Variants in BTN2A1 observed in about 807,000 individuals in gnomAD.
The protein encoded by BTN2A1 is butyrophilin subfamily 2 member A1.
A neutral mutation model predicts 34.5 loss-of-function variants in BTN2A1; 41 were observed. The ratio of observed to expected loss-of-function variants is 1.19; its 90% CI spans 0.93 to 1.54. The LOEUF (loss-of-function observed/expected upper bound fraction) is 1.54. Among genes scored for constraint, BTN2A1 ranks in the 40% most tolerant of loss-of-function variants. BTN2A1 has a pLI of 0.00. For missense variants in BTN2A1, 642 were observed against 662.0 expected, an observed-to-expected ratio of 0.97 and a Z score of 0.33; for synonymous variants, 267 against 258.6, an observed-to-expected ratio of 1.03 and a Z score of -0.31.
chr6:26,467,405 G>A (rs956120113), intron 7 of BTN2A1, among the ~76,000 whole-genome samples: 20 of 152,150 alleles, frequency 1.3e-4, no homozygotes, highest in Admixed American at 2.0e-4. Context: ...TCTGCCTCCC[G>A]GGTTCAAGCA....
At chr6:26,474,757 C>CTT (rs11445433) in intron 7 of BTN2A1, among the ~76,000 whole-genome samples, 18,436 of 142,336 alleles carry the variant, frequency 0.13, 2,847 homozygotes, top group African/African-American at 0.36. Flanking sequence ...GCAAAGACTC[C>CTT]TTTTTTTTTT....
chr6:26,465,873 G>T, intron 5 of BTN2A1, 80 bp from the exon 6 acceptor site: 2 of 1,604,466 alleles, frequency 1.2e-6, no homozygotes, highest in Non-Finnish European at 1.7e-6. Flanking sequence ...TAGAAAGGAC[G>T]GTTCCTGCAT....
In BTN2A1 at chr6:26,459,511, C is replaced by T. The variant is rs1381810349; in HGVS notation, c.113C>T (p.Pro38Leu). The change falls in exon 3 of 8, where the codon CCC (proline) becomes CTC (leucine). Residue 38 changes from proline to leucine, a missense_variant. Coordinates refer to ENST00000312541, the MANE Select transcript of BTN2A1 (RefSeq NM_007049.5). ...AQFIVVGPTD[P>L]ILATVGENTT... is the part of the protein sequence containing the mutation. ...TTTATTGTCGTGGGGCCCACTGATC[C>T]CATCTTGGCCACGGTTGGAGAAAAC... The T allele has an allele frequency of 1.2e-6, 2 of 1,613,912 alleles. No homozygotes were observed. Among genetic ancestry groups the T allele is most frequent in the East Asian group, 4.5e-5 (2 of 44,882 alleles).
In BTN2A1 at chr6:26,465,167, T is replaced by C. The variant is rs1763274590; in HGVS notation, c.713-18T>C. 6.2e-7 allele frequency: 1 copy of C among 1,607,314 alleles called. No individual in the cohort carries two copies. Among genetic ancestry groups the C allele is most frequent in the African/African-American group, 1.3e-5 (1 of 74,692 alleles). ...GTTCTGTTTCAAACTAAGTGGATATTTCTGGCTGCCTTTTCAGAATCCTTT... is the reference window on the plus strand; with the variant it reads ...GTTCTGTTTCAAACTAAGTGGATATCTCTGGCTGCCTTTTCAGAATCCTTT... On this transcript the variant is annotated intron_variant, in intron 4 of 7. Transcript: ENST00000312541.
chr6:26,468,047 G>A lies in BTN2A1; in HGVS notation c.1082G>A (p.Ser361Asn). The stretch of plus-strand genomic sequence containing the variant: ...TGCCCCTTCAGGCACCTAGGGGAGA[G>A]CGTGCCTGACAACCCAGAGAGATTC... ...RRCPFRHLGE[S>N]VPDNPERFDS... Residue 361 changes from serine (S) to asparagine (N), a missense_variant, in exon 8 of 8, where the codon AGC (serine) becomes AAC (asparagine). Physicochemically the swap from Ser to Asn is conservative, Grantham distance 46. Coordinates refer to ENST00000312541, the MANE Select transcript of BTN2A1 (RefSeq NM_007049.5). The A allele has an allele frequency of 6.2e-7, 1 of 1,614,230 alleles. No individual in the cohort carries two copies. Among genetic ancestry groups the A allele is most frequent in the Non-Finnish European group, 8.5e-7 (1 of 1,180,040 alleles).
rs944214165 is a variant in BTN2A1 at position 26,459,905 on chromosome 6, A to T, written c.430+77A>T. On this transcript the variant is annotated intron_variant, in intron 3 of 7. Transcript: ENST00000312541. ...AAGTTTCTCTCCTAACCTCAGGCCCATTGCAGACCAGCAAATTTTTGTCTG... is the reference window on the plus strand; with the variant it reads ...AAGTTTCTCTCCTAACCTCAGGCCCTTTGCAGACCAGCAAATTTTTGTCTG... 4.3e-5 allele frequency: 51 copies of T among 1,187,218 alleles called. 1 individual carries two copies. The African/African-American group carries it at 7.8e-4, about 18-fold the overall frequency. The allele number at this position is 1,187,218 out of a possible 1,614,324, so 73.5% of individuals were successfully genotyped here.
downstream of BTN2A1, among the ~76,000 whole-genome samples, chr6:26,471,441 A>T (rs1407743121): frequency 1.3e-5 from 2 of 152,228 alleles, no homozygotes; most frequent in African/African-American, 4.8e-5. Context: ...GAAACTGGAA[A>T]GATGGGCCGG....
At position 26,467,667 on chromosome 6, in the gene BTN2A1, G is replaced by T. The variant is rs1175731201; in HGVS notation, c.983-281G>T. On this transcript the variant is annotated intron_variant, in intron 7 of 7. Transcript: ENST00000312541. ...ACACATCTTAGAATGCTGAGAGAAAGTATAAGAATGATTGATTTTACTTCA... is the reference window on the plus strand; with the variant it reads ...ACACATCTTAGAATGCTGAGAGAAATTATAAGAATGATTGATTTTACTTCA... 3 of 1,522,992 alleles carry T rather than the reference G, an allele frequency of 2.0e-6. No individual in the cohort carries two copies. In the African/African-American group the frequency reaches 4.1e-5, roughly 21 times the overall value. The allele number at this position is 1,522,992 out of a possible 1,614,324, so 94.3% of individuals were successfully genotyped here.
chr6:26,471,672 A>C (rs539452664), downstream of BTN2A1, among the ~76,000 whole-genome samples: 1 of 152,054 alleles, frequency 6.6e-6, no homozygotes, highest in South Asian at 2.1e-4. Context: ...GAAAGGAAGG[A>C]AGGAAGGAAG....
At chr6:26,466,577 A>G (rs1343972730) in intron 7 of BTN2A1, among the ~76,000 whole-genome samples, 1 of 152,076 alleles carries the variant, frequency 6.6e-6, no homozygotes, top group Non-Finnish European at 1.5e-5. Flanking sequence ...CTCTTAAGAG[A>G]ACACTAATAC....
intron 3 of BTN2A1, 41 bp downstream of exon 3, chr6:26,459,869 G>A (rs182165442): frequency 1.3e-6 from 2 of 1,561,194 alleles, no homozygotes; most frequent in Admixed American, 1.8e-5. Context: ...GGCACAGTGT[G>A]ACTTTGGGGA....
chr6:26,469,519 A>T lies in BTN2A1; in HGVS notation c.*970A>T, dbSNP rs187952157. 5.3e-6 allele frequency: 1 copy of T among 188,934 alleles called. No homozygotes were observed. Among genetic ancestry groups the T allele is most frequent in the Admixed American group, 6.5e-5 (1 of 15,338 alleles). The allele number at this position is 188,934 out of a possible 1,614,324, so 11.7% of individuals were successfully genotyped here. On this transcript the variant is annotated 3_prime_UTR_variant, in exon 8 of 8. Coordinates refer to ENST00000312541, the MANE Select transcript of BTN2A1 (RefSeq NM_007049.5). The stretch of plus-strand genomic sequence containing the variant: ...TTTACATTACATACATACATTTACA[A>T]CATTTATTAATTTATATTAAAATAG...
chr6:26,465,533 T>A, intron 5 of BTN2A1, 127 bp downstream of exon 5: 1 of 717,458 alleles, frequency 1.4e-6, no homozygotes. Context: ...CCTGTTTAAT[T>A]AAAAAAAAAA....
rs1646840638 is a variant in BTN2A1, at chr6:26,468,534, C to T, written c.1569C>T (p.Thr523=). The T allele has an allele frequency of 6.2e-7, 1 of 1,614,108 alleles. No homozygotes were observed. The highest frequency in any genetic ancestry group is 8.5e-7 in the Non-Finnish European group (1 of 1,180,022). ...GCCTGACACTTCACAGAGTGGGGAC[C>T]CACCAGAGCCTATAGAATCAATTCC... ...EEGLTLHRVG[T]HQSL Residue 523 remains threonine, a synonymous_variant, in exon 8 of 8, where the codon ACC becomes ACT. Coordinates refer to ENST00000312541, the MANE Select transcript of BTN2A1 (RefSeq NM_007049.5).
chr6:26,463,504 GAA>G lies in BTN2A1; in HGVS notation c.693_694del (p.Ser232CysfsTer54), dbSNP rs1763229710. On this transcript the variant is annotated frameshift_variant, in exon 4 of 8. Coordinates refer to ENST00000312541, the MANE Select transcript of BTN2A1 (RefSeq NM_007049.5). LOFTEE classifies it high-confidence loss of function. ...CAACACCCTGCTCGGCCAGAAGAAA[GAA>G]AGTGTCATTTTTATTCCAGGTTAGT... Reference protein sequence around the residue: ...INNTLLGQKKESVIFIPESFM... With the variant: ...INNTLLGQKKXSVIFIPESFM... 6.2e-7 allele frequency: 1 copy of G among 1,613,938 alleles called. No homozygotes were observed. Among genetic ancestry groups the G allele is most frequent in the Non-Finnish European group, 8.5e-7 (1 of 1,179,846 alleles).
intron 3 of BTN2A1, among the ~76,000 whole-genome samples, chr6:26,461,554 G>A (rs1422566471): frequency 6.6e-6 from 1 of 152,190 alleles, no homozygotes; most frequent in Non-Finnish European, 1.5e-5. Context: ...AGGCCAAGGC[G>A]GGTGGGTCAT....
rs148333227 is a variant in BTN2A1 at position 26,468,018 on chromosome 6, A to G, written c.1053A>G (p.Arg351=). 4.4e-5 allele frequency: 71 copies of G among 1,614,070 alleles called. No individual in the cohort carries two copies. In the African/African-American group the frequency reaches 8.7e-4, roughly 20 times the overall value. ...LFLSEDRRSV[R]RCPFRHLGES... ...TGTCAGAGGACCGGAGAAGTGTGAG[A>G]AGGTGCCCCTTCAGGCACCTAGGGG... Residue 351 remains arginine, a synonymous_variant, in exon 8 of 8, where the codon AGA becomes AGG. Coordinates refer to ENST00000312541, the MANE Select transcript of BTN2A1 (RefSeq NM_007049.5).
intron 3 of BTN2A1, 117 bp downstream of exon 3, chr6:26,459,945 C>CAGGGAGAG: frequency 1.1e-6 from 1 of 887,084 alleles, no homozygotes; most frequent in Non-Finnish European, 1.7e-6. Flanking sequence ...CCCTTTTCCA[C>CAGGGAGAG]TCTCCCTGTG....
At chr6:26,462,856 A>G (rs1175255211) in intron 3 of BTN2A1, 1 of 1,280,596 alleles carries the variant, frequency 7.8e-7, no homozygotes. Flanking sequence ...TGAAATCCAA[A>G]ACCTGCCTGT....
Sources: gnomAD v4.1 joint callset for allele counts (sites outside exome capture counted in the v4.1 genomes callset) on GRCh38, gnomAD v4.1.1 for gene constraint, MANE v1.5 for transcripts, NCBI Gene and HGNC (gene_info 2026-07-23, HGNC 2026-07-21) for gene names.